SCNN1B: variants seen among roughly 807,000 people sequenced by gnomAD.
SCNN1B encodes the protein epithelial sodium channel subunit beta.
SCNN1B carries 46 observed loss-of-function variants against 65.3 expected under a neutral mutation model. The observed-to-expected ratio is 0.70, with a 90% CI of 0.56 to 0.90. The LOEUF is 0.90. Among genes scored for constraint, SCNN1B ranks in the 40% least tolerant of loss-of-function variants. The pLI, the probability that SCNN1B is intolerant of heterozygous loss-of-function variation, is 0.00. For synonymous variants in SCNN1B, 349 were observed against 330.6 expected (o/e 1.06, Z -0.60); for missense variants, 751 against 830.5 (o/e 0.90, Z 1.18).
At chr16:23,317,044 A>G (rs1961487672) in intron 1 of SCNN1B, among the ~76,000 whole-genome samples, 1 of 152,258 alleles carries the variant, frequency 6.6e-6, no homozygotes, top group Non-Finnish European at 1.5e-5. Flanking sequence ...ACATGATGAC[A>G]CGTCATCTCC....
chr16:23,292,982 C>T (rs1325961226), intron 2 of SCNN1B, among the ~76,000 whole-genome samples: 1 of 151,264 alleles, frequency 6.6e-6, no homozygotes, highest in Non-Finnish European at 1.5e-5. Context: ...AGGCATGGTG[C>T]TGGGTGCCTG....
rs1262482070 is a variant in SCNN1B, at chr16:23,380,911, A to G, written c.*110A>G. The G allele has an allele frequency of 8.3e-6, 10 of 1,211,902 alleles. No homozygotes were observed. In the Admixed American group the frequency reaches 1.3e-4, roughly 16 times the overall value. The allele number at this position is 1,211,902 out of a possible 1,614,324, so 75.1% of individuals were successfully genotyped here. On this transcript the variant is annotated 3_prime_UTR_variant, in exon 13 of 13. Coordinates refer to ENST00000343070, the MANE Select transcript of SCNN1B (RefSeq NM_000336.3). The surrounding 1 kb of genome is among the most constrained non-coding windows in gnomAD (Gnocchi z 5.4). ...CAAAGGGTCGGGAGGGTAGCTCTCC[A>G]GGCCAGAGCTTGTGTCCTTCAACAG... is the stretch of plus-strand genomic sequence containing the variant.
intron 1 of SCNN1B, among the ~76,000 whole-genome samples, chr16:23,343,260 C>G (rs1962089704): frequency 6.7e-6 from 1 of 148,354 alleles, no homozygotes; most frequent in African/African-American, 2.4e-5. Context: ...CGAGACCAGC[C>G]TGACCAACAT....
intron 1 of SCNN1B, among the ~76,000 whole-genome samples, chr16:23,345,073 C>T (rs1962158737): frequency 6.6e-6 from 1 of 152,126 alleles, no homozygotes; most frequent in Non-Finnish European, 1.5e-5. Context: ...TTGGCCAAGA[C>T]TCCTTCTGGG....
intron 1 of SCNN1B, among the ~76,000 whole-genome samples, chr16:23,345,955 C>A (rs1045581738): frequency 2.0e-5 from 3 of 152,214 alleles, no homozygotes; most frequent in Middle Eastern, 3.4e-3. Context: ...ATGCTCCTGC[C>A]GCAGGTTCCT....
intron 1 of SCNN1B, among the ~76,000 whole-genome samples, chr16:23,346,746 C>T (rs1962198390): frequency 6.7e-6 from 1 of 149,462 alleles, no homozygotes; most frequent in Admixed American, 6.7e-5. Context: ...CTCCCCTCTC[C>T]TATCCTTTAA....
At chr16:23,288,272 T>C (rs1408217604) in intron 2 of SCNN1B, among the ~76,000 whole-genome samples, 1 of 152,184 alleles carries the variant, frequency 6.6e-6, no homozygotes, top group African/African-American at 2.4e-5. Flanking sequence ...TACCCTCAGA[T>C]TCCATTTGTA....
chr16:23,294,080 C>A (rs1272651168), intron 2 of SCNN1B, among the ~76,000 whole-genome samples: 3 of 152,108 alleles, frequency 2.0e-5, no homozygotes, highest in Non-Finnish European at 4.4e-5. Context: ...AAAGTCCTGG[C>A]CAGATGTGGT....
intron 1 of SCNN1B, among the ~76,000 whole-genome samples, chr16:23,331,827 G>T (rs752427494): frequency 6.6e-6 from 1 of 152,104 alleles, no homozygotes; most frequent in Non-Finnish European, 1.5e-5. Context: ...GTCTCAACAG[G>T]GGCCTCTTTG....
chr16:23,372,087 C>T, intron 7 of SCNN1B: 1 of 630,614 alleles, frequency 1.6e-6, no homozygotes, highest in East Asian at 2.8e-5. Context: ...TTCTCATCCC[C>T]ACATTGGCAG....
intron 4 of SCNN1B, among the ~76,000 whole-genome samples, chr16:23,363,376 G>A (rs1962590004): frequency 6.6e-6 from 1 of 152,228 alleles, no homozygotes; most frequent in Non-Finnish European, 1.5e-5. Context: ...AAGGGACACA[G>A]CCAGAATTGA....
chr16:23,354,685 G>T (rs1272547967), intron 3 of SCNN1B, among the ~76,000 whole-genome samples: 1 of 152,190 alleles, frequency 6.6e-6, no homozygotes, highest in Non-Finnish European at 1.5e-5. Context: ...TCTGGCAGAG[G>T]CTGGAAAAGG....
At chr16:23,300,472 T>C (rs1178734975), upstream of SCNN1B, among the ~76,000 whole-genome samples, 1 of 152,124 alleles carries the variant, frequency 6.6e-6, no homozygotes, top group Non-Finnish European at 1.5e-5. Flanking sequence ...CTGTCTCTTA[T>C]TAAGCCAAGC....
chr16:23,357,446 G>A (rs1185698067), intron 4 of SCNN1B, among the ~76,000 whole-genome samples: 2 of 152,220 alleles, frequency 1.3e-5, no homozygotes, highest in East Asian at 3.8e-4. Context: ...AACCGGGAGT[G>A]GTGGTGCACA....
intron 2 of SCNN1B, among the ~76,000 whole-genome samples, chr16:23,292,192 C>CTTTCT (rs1567285672): frequency 6.7e-6 from 1 of 148,730 alleles, no homozygotes. Flanking sequence ...TTATTTCTTT[C>CTTTCT]TTTATTTTTT....
intron 1 of SCNN1B, among the ~76,000 whole-genome samples, chr16:23,309,780 C>T (rs958678048): frequency 6.6e-6 from 1 of 152,232 alleles, no homozygotes; most frequent in African/African-American, 2.4e-5. Context: ...CTCACAGACA[C>T]ACCCGGGATC....
chr16:23,322,105 G>A (rs1027939621), intron 1 of SCNN1B, among the ~76,000 whole-genome samples: 1 of 152,088 alleles, frequency 6.6e-6, no homozygotes, highest in African/African-American at 2.4e-5. Flanking sequence ...TTCCCTTGGA[G>A]CCTTCCAGAT....
intron 5 of SCNN1B, among the ~76,000 whole-genome samples, chr16:23,368,574 C>T (rs1018505156): frequency 6.6e-6 from 1 of 151,932 alleles, no homozygotes; most frequent in Non-Finnish European, 1.5e-5. Context: ...TTAGTTTCCC[C>T]AATCATAGAT....
At chr16:23,350,806 A>G (rs916705029) in intron 2 of SCNN1B, among the ~76,000 whole-genome samples, 1 of 152,150 alleles carries the variant, frequency 6.6e-6, no homozygotes, top group African/African-American at 2.4e-5. Flanking sequence ...CCAGCTACTC[A>G]GGAGGCTGAG....
Sources: allele counts gnomAD v4.1 joint callset (sites outside exome capture counted in the v4.1 genomes callset), GRCh38; gene constraint gnomAD v4.1.1; non-coding constraint Gnocchi (gnomAD v3.1); transcripts MANE v1.5; gene names NCBI Gene and HGNC (gene_info 2026-07-23, HGNC 2026-07-21).